ERCC8: variants seen among roughly 807,000 people sequenced by gnomAD.
The protein encoded by ERCC8 is DNA excision repair protein ERCC-8.
Under a neutral mutation model 54.9 loss-of-function variants are expected in ERCC8, and 52 were observed. The ratio of observed to expected loss-of-function variants is 0.95; its 90% CI spans 0.76 to 1.19. The LOEUF is 1.19. ERCC8 is among the 50% of genes most tolerant of loss of function. The pLI is 0.00. For missense variants in ERCC8, 514 were observed against 466.1 expected, an observed-to-expected ratio of 1.10 and a Z score of -0.95; for synonymous variants, 146 against 157.2, an observed-to-expected ratio of 0.93 and a Z score of 0.53.
At chr5:60,931,832 T>A (rs941312391) in intron 1 of ERCC8, among the ~76,000 whole-genome samples, 1 of 152,202 alleles carries the variant, frequency 6.6e-6, no homozygotes, top group Non-Finnish European at 1.5e-5. Flanking sequence ...ATCTTTTCCT[T>A]CAGCTCCCTC....
chr5:60,911,198 T>C (rs1052108321), intron 4 of ERCC8, among the ~76,000 whole-genome samples: 2 of 152,112 alleles, frequency 1.3e-5, no homozygotes, highest in Non-Finnish European at 2.9e-5. Context: ...CTCCTAATGC[T>C]ATCCCTCCCC....
At chr5:60,940,178 C>G (rs1750215817) in intron 1 of ERCC8, among the ~76,000 whole-genome samples, 1 of 152,114 alleles carries the variant, frequency 6.6e-6, no homozygotes, top group African/African-American at 2.4e-5. Flanking sequence ...TTATTCAATA[C>G]TTCAGTTCTG....
intron 10 of ERCC8, among the ~76,000 whole-genome samples, chr5:60,887,942 AC>A (rs1449691283): frequency 6.6e-6 from 1 of 152,238 alleles, no homozygotes; most frequent in Non-Finnish European, 1.5e-5. Context: ...TATTTAACTT[AC>A]AGCTGCCTAA....
At chr5:60,907,689 C>G (rs762045064) in intron 4 of ERCC8, among the ~76,000 whole-genome samples, 2 of 152,188 alleles carry the variant, frequency 1.3e-5, no homozygotes, top group Admixed American at 6.5e-5. Context: ...TCTGTCCCCA[C>G]TGGCTCATTC....
intron 4 of ERCC8, among the ~76,000 whole-genome samples, chr5:60,908,378 A>G (rs965974281): frequency 9.9e-5 from 15 of 151,736 alleles, no homozygotes; most frequent in Non-Finnish European, 1.5e-5. Flanking sequence ...TCACTCCTGA[A>G]TTCTGGGTAT....
At position 60,870,482 on chromosome 5, in the gene ERCC8, TAAAAAAAAAA is replaced by T. The variant is rs57423118; in HGVS notation, c.*4123_*4132del. ...CAACATGGTGAAACCCCACCTCTGC[TAAAAAAAAAA>T]AAAAAAAAAAAAAAAAAAAATTAGC... On this transcript the variant is annotated 3_prime_UTR_variant, in exon 12 of 12. Coordinates refer to ENST00000676185, the MANE Select transcript of ERCC8 (RefSeq NM_000082.4). Among the ~76,000 whole-genome samples the T allele has an allele frequency of 9.2e-4, 45 of 48,790 alleles. No individual in the cohort carries two copies. Among genetic ancestry groups the T allele is most frequent in the African/African-American group, 4.3e-3 (43 of 10,060 alleles). The allele number at this position is 48,790 out of a possible 152,430, so 32.0% of individuals were successfully genotyped here. A position where few individuals can be genotyped will look rare whatever the true frequency, so the allele number is the denominator to read the frequency against.
At chr5:60,939,413 G>A (rs158938) in intron 1 of ERCC8, among the ~76,000 whole-genome samples, 100,391 of 151,958 alleles carry the variant, frequency 0.66, 33,538 homozygotes, top group East Asian at 0.94. Context: ...TATTTCTATG[G>A]ACCTTAGCAC....
chr5:60,921,506 A>G (rs1475168287), intron 3 of ERCC8, among the ~76,000 whole-genome samples: 1 of 152,032 alleles, frequency 6.6e-6, no homozygotes, highest in African/African-American at 2.4e-5. Context: ...AAGCCAGTAG[A>G]GAACAGTCAG....
At chr5:60,940,909 G>A (rs158571) in intron 1 of ERCC8, among the ~76,000 whole-genome samples, 86,849 of 152,062 alleles carry the variant, frequency 0.57, 26,082 homozygotes, top group East Asian at 0.94. Flanking sequence ...ATAAAGAACC[G>A]TGAAAATTTC....
intron 1 of ERCC8, among the ~76,000 whole-genome samples, chr5:60,937,465 T>TGCC (rs1043323232): frequency 2.0e-5 from 3 of 152,152 alleles, no homozygotes; most frequent in African/African-American, 7.2e-5. Context: ...GGGTGAGGCT[T>TGCC]GCCGCTGCTG....
chr5:60,929,988 A>T (rs900395980), intron 1 of ERCC8, among the ~76,000 whole-genome samples: 1 of 152,242 alleles, frequency 6.6e-6, no homozygotes. Flanking sequence ...AACAATGCAC[A>T]ATGCTGGAAA....
chr5:60,898,955 A>G (rs944831008), intron 8 of ERCC8, among the ~76,000 whole-genome samples: 1 of 151,354 alleles, frequency 6.6e-6, no homozygotes, highest in Non-Finnish European at 1.5e-5. Flanking sequence ...GGTTTTTTAA[A>G]AAACTATATA....
chr5:60,938,090 A>ATAT (rs1561519206), intron 1 of ERCC8, among the ~76,000 whole-genome samples: 17 of 21,844 alleles, frequency 7.8e-4, no homozygotes, highest in Middle Eastern at 0.029. Context: ...TATATATTTT[A>ATAT]TTTTTTTTTT....
chr5:60,892,286 T>C (rs1466538258), intron 9 of ERCC8: 2 of 556,522 alleles, frequency 3.6e-6, no homozygotes, highest in African/African-American at 3.8e-5. Flanking sequence ...CATCGGAGAA[T>C]GGAGCAACTT....
intron 11 of ERCC8, among the ~76,000 whole-genome samples, chr5:60,880,413 A>C (rs1053349763): frequency 4.6e-5 from 7 of 152,096 alleles, no homozygotes; most frequent in East Asian, 1.9e-4. Context: ...TGTTGGCCTG[A>C]CTTGCTAGAT....
chr5:60,938,457 G>A (rs976674310), intron 1 of ERCC8, among the ~76,000 whole-genome samples: 1 of 149,002 alleles, frequency 6.7e-6, no homozygotes, highest in East Asian at 2.0e-4. Flanking sequence ...GAGTTCAAGC[G>A]ATTCTCCTGC....
Position 60,873,532 on chromosome 5 carries a change from C to T in ERCC8, c.*1083G>A, listed in dbSNP as rs1466007522. Among the ~76,000 whole-genome samples the T allele has an allele frequency of 6.6e-6, 1 of 152,090 alleles. No homozygotes were observed. The highest frequency in any genetic ancestry group is 2.4e-5 in the African/African-American group (1 of 41,422). On this transcript the variant is annotated 3_prime_UTR_variant, in exon 12 of 12. Transcript: ENST00000676185. Reference sequence around the variant, plus strand: ...TCTACTGAAAATACAAAAAAATTAACCGGGCGCAGTGGCGGGAGCCTGTAA... The same window carrying T: ...TCTACTGAAAATACAAAAAAATTAATCGGGCGCAGTGGCGGGAGCCTGTAA...
At position 60,904,929 on chromosome 5, in the gene ERCC8, T is replaced by A. The variant is rs183305163; in HGVS notation, c.400-56A>T. Reference sequence around the variant, plus strand: ...AGGTTTAAGTATAAAAACAAAGCAATAAATTTTCTATTTACTTTTTCCTAA... The same window carrying A: ...AGGTTTAAGTATAAAAACAAAGCAAAAAATTTTCTATTTACTTTTTCCTAA... On this transcript the variant is annotated intron_variant, in intron 4 of 11. Coordinates refer to ENST00000676185, the MANE Select transcript of ERCC8 (RefSeq NM_000082.4). 1.2e-4 allele frequency: 110 copies of A among 885,622 alleles called. No homozygotes were observed. In the East Asian group the frequency reaches 2.8e-3, roughly 23 times the overall value. The allele number at this position is 885,622 out of a possible 1,614,324, so 54.9% of individuals were successfully genotyped here.
At chr5:60,930,296 C>T (rs180694356) in intron 1 of ERCC8, among the ~76,000 whole-genome samples, 116 of 152,140 alleles carry the variant, frequency 7.6e-4, no homozygotes, top group Non-Finnish European at 1.3e-3. Flanking sequence ...CTAGGTGCGG[C>T]GGCTCATGCC....
Sources: allele counts gnomAD v4.1 joint callset (sites outside exome capture counted in the v4.1 genomes callset), GRCh38; gene constraint gnomAD v4.1.1; transcripts MANE v1.5; gene names NCBI Gene and HGNC (gene_info 2026-07-23, HGNC 2026-07-21).